The following DYNLT2B variants were observed in gnomAD, a reference collection of about 807,000 sequenced individuals.
DYNLT2B encodes the protein dynein light chain Tctex-type 2B, also known as dynein light chain Tctex-type protein 2B.
A neutral mutation model predicts 19.5 loss-of-function variants in DYNLT2B; 14 were observed. That is an observed-to-expected ratio of 0.72 (90% confidence interval 0.47 to 1.12). The LOEUF (loss-of-function observed/expected upper bound fraction) is 1.12, where lower values mean the gene tolerates loss of function less well. Ranked by LOEUF, DYNLT2B falls within the 50% of genes most tolerant of loss-of-function variation. The pLI, the probability that DYNLT2B is intolerant of heterozygous loss-of-function variation, is 0.00. For missense variants in DYNLT2B, 133 were observed against 174.7 expected (o/e 0.76, Z 1.35); for synonymous variants, 70 against 59.7 (o/e 1.17, Z -0.79).
At position 196,292,644 on chromosome 3, in the gene DYNLT2B, T is replaced by C. The variant is rs541864442; in HGVS notation, c.382-1270A>G. 4 of 152,302 alleles carry C rather than the reference T, an allele frequency of 2.6e-5. No homozygotes were observed. In the South Asian group the frequency reaches 6.2e-4, roughly 24 times the overall value. The allele number at this position is 152,302 out of a possible 1,614,324, so 9.4% of individuals were successfully genotyped here. A position where few individuals can be genotyped will look rare whatever the true frequency, so the allele number is the denominator to read the frequency against. ...AAACCAACCCTTATACTCAGTGTAT[T>C]GTTTACCTCATCATGGACCTGTAAC... is the stretch of plus-strand genomic sequence containing the variant. On this transcript the variant is annotated intron_variant, in intron 4 of 4. Transcript: ENST00000325318.
chr3:196,306,461 C>T (rs1726491445), intron 3 of DYNLT2B, among the ~76,000 whole-genome samples: 1 of 151,660 alleles, frequency 6.6e-6, no homozygotes, highest in Non-Finnish European at 1.5e-5. Flanking sequence ...AAAGAAAACA[C>T]ATACATACAT....
Position 196,291,296 on chromosome 3 carries a change from C to A in DYNLT2B, c.*31G>T. 6.3e-7 allele frequency: 1 copy of A among 1,593,070 alleles called. No homozygotes were observed. Among genetic ancestry groups the A allele is most frequent in the South Asian group, 1.1e-5 (1 of 87,396 alleles). On this transcript the variant is annotated 3_prime_UTR_variant, in exon 5 of 5. Transcript: ENST00000325318. ...TAAAAAGTTCAGATTTCTTCATGGT[C>A]ATGTCTTTTACCAGCTTTTCAAAGA... is the stretch of plus-strand genomic sequence containing the variant.
At chr3:196,317,911 C>T in intron 1 of DYNLT2B, 129 bp downstream of exon 1, 2 of 386,064 alleles carry the variant, frequency 5.2e-6, no homozygotes, top group Non-Finnish European at 8.6e-6. Context: ...CGCCTCGCGG[C>T]CTCCCGCCTC....
intron 2 of DYNLT2B, among the ~76,000 whole-genome samples, chr3:196,312,789 C>A (rs1693948720): frequency 6.6e-6 from 1 of 152,112 alleles, no homozygotes; most frequent in Admixed American, 6.6e-5. Context: ...AGGCAAAAGG[C>A]AGGCATTCTC....
At chr3:196,302,166 C>T (rs1726373728) in intron 3 of DYNLT2B, among the ~76,000 whole-genome samples, 1 of 152,070 alleles carries the variant, frequency 6.6e-6, no homozygotes, top group African/African-American at 2.4e-5. Flanking sequence ...CAGAAAAAAG[C>T]ATAAGAGACA....
chr3:196,298,944 C>T (rs1344113764), intron 3 of DYNLT2B, among the ~76,000 whole-genome samples: 1 of 152,136 alleles, frequency 6.6e-6, no homozygotes, highest in Non-Finnish European at 1.5e-5. Context: ...CAGAGTCTTG[C>T]TCTGTCACCC....
chr3:196,316,194 C>G lies in DYNLT2B; in HGVS notation c.151G>C (p.Val51Leu). Residue 51 changes from valine (V) to leucine (L), a missense_variant, in exon 2 of 5, where the codon GTG becomes CTG. Val to Leu is a conservative substitution (Grantham distance 32). Coordinates refer to ENST00000325318, the MANE Select transcript of DYNLT2B (RefSeq NM_152773.5). ...GCATTTGCCAGTTCCTCCTTGAGCA[C>G]AGCATGGATACAGTCTTTAACCACA... ...PSVVKDCIHAVLKEELANAEY... is the reference protein window; with the variant it reads ...PSVVKDCIHALLKEELANAEY... 6.2e-7 allele frequency: 1 copy of G among 1,613,760 alleles called. No individual in the cohort carries two copies. The highest frequency in any genetic ancestry group is 1.7e-5 in the Admixed American group (1 of 59,964).
At chr3:196,306,250 A>AGG (rs1560189899) in intron 3 of DYNLT2B, among the ~76,000 whole-genome samples, 1 of 147,372 alleles carries the variant, frequency 6.8e-6, no homozygotes, top group African/African-American at 2.5e-5. Flanking sequence ...ATCTCTGCAA[A>AGG]AAAAAAAAAA....
intron 2 of DYNLT2B, among the ~76,000 whole-genome samples, chr3:196,310,924 C>T (rs528648195): frequency 3.9e-5 from 6 of 151,960 alleles, no homozygotes; most frequent in East Asian, 3.9e-4. Flanking sequence ...TCAGTAGAGA[C>T]GAGGTTTCAC....
intron 4 of DYNLT2B, chr3:196,292,577 C>T (rs1365424770): frequency 6.6e-6 from 1 of 152,184 alleles, no homozygotes; most frequent in Non-Finnish European, 1.5e-5. Flanking sequence ...CTTAGATTCA[C>T]TGCACAGAAG....
At chr3:196,295,313 A>G (rs1460938994) in intron 4 of DYNLT2B, among the ~76,000 whole-genome samples, 2 of 152,072 alleles carry the variant, frequency 1.3e-5, no homozygotes, top group Admixed American at 6.6e-5. Flanking sequence ...GGTGCCCGCC[A>G]CCATGCTCGG....
intron 1 of DYNLT2B, among the ~76,000 whole-genome samples, chr3:196,316,802 T>C (rs1391066867): frequency 6.6e-6 from 1 of 151,380 alleles, no homozygotes; most frequent in African/African-American, 2.4e-5. Flanking sequence ...CAAGCAAATA[T>C]GGGGTGTGTG....
At chr3:196,300,920 G>A (rs558054578) in intron 3 of DYNLT2B, among the ~76,000 whole-genome samples, 33 of 151,792 alleles carry the variant, frequency 2.2e-4, no homozygotes, top group African/African-American at 7.2e-4. Context: ...TTAGTTGGGC[G>A]TGGTGGCTCA....
intron 3 of DYNLT2B, among the ~76,000 whole-genome samples, chr3:196,296,697 T>TA (rs904527451): frequency 1.8e-4 from 27 of 152,108 alleles, no homozygotes; most frequent in African/African-American, 6.3e-4. Context: ...GAGAATTTTT[T>TA]AAAAAAAGAA....
Position 196,316,592 on chromosome 3 carries a change from A to T in DYNLT2B, c.114-361T>A, listed in dbSNP as rs901084202. ...TAAAATAAAATAAAATAAAATAAAA[A>T]AATACGGCTGAATGGCATTCTGGGC... is the stretch of plus-strand genomic sequence containing the variant. On this transcript the variant is annotated intron_variant, in intron 1 of 4. Transcript: ENST00000325318. 2.0e-4 allele frequency among the ~76,000 whole-genome samples: 31 copies of T among 152,024 alleles called. 1 individual carries two copies. The highest frequency in any genetic ancestry group is 9.2e-4 in the Admixed American group (14 of 15,252).
At chr3:196,302,736 GA>G (rs1239452874) in intron 3 of DYNLT2B, among the ~76,000 whole-genome samples, 1 of 152,076 alleles carries the variant, frequency 6.6e-6, no homozygotes, top group Non-Finnish European at 1.5e-5. Flanking sequence ...AGTACAGGAT[GA>G]ACACGGAGGA....
intron 4 of DYNLT2B, among the ~76,000 whole-genome samples, chr3:196,292,074 T>C (rs1257865984): frequency 6.6e-6 from 1 of 152,264 alleles, no homozygotes; most frequent in African/African-American, 2.4e-5. Flanking sequence ...AACCATATTA[T>C]AAGTATCACT....
chr3:196,306,977 C>G lies in DYNLT2B; in HGVS notation c.283G>C (p.Val95Leu), dbSNP rs139637513. 47 of 1,614,118 alleles carry G rather than the reference C, an allele frequency of 2.9e-5. No homozygotes were observed. The highest frequency in any genetic ancestry group is 2.2e-4 in the Admixed American group (13 of 60,010). ...GFDRYKMVVQ[V>L]VIGEQRGEGV... ...TCACCTCTTTGTTCTCCAATCACTA[C>G]TTGCACCACCATTTTGTATCGGTCA... Residue 95 changes from valine (V) to leucine (L), a missense_variant, in exon 3 of 5, where the codon GTA (valine) becomes CTA (leucine). Coordinates refer to ENST00000325318, the MANE Select transcript of DYNLT2B (RefSeq NM_152773.5).
intron 2 of DYNLT2B, 87 bp from the exon 3 acceptor site, chr3:196,307,099 C>T: frequency 3.5e-6 from 4 of 1,138,792 alleles, no homozygotes; most frequent in Non-Finnish European, 3.9e-6. Context: ...TGGACATAAA[C>T]ATTCAATCCA....
Sources: allele counts gnomAD v4.1 joint callset (sites outside exome capture counted in the v4.1 genomes callset), GRCh38; gene constraint gnomAD v4.1.1; transcripts MANE v1.5; gene names NCBI Gene and HGNC (gene_info 2026-07-23, HGNC 2026-07-21).